Variants in KIAA0930 observed in about 807,000 individuals in gnomAD.
KIAA0930 encodes the protein KIAA0930.
KIAA0930 carries 24 observed loss-of-function variants against 43.9 expected under a neutral mutation model. That is an observed-to-expected ratio of 0.55 (90% confidence interval 0.40 to 0.77). The LOEUF is 0.77. Among genes scored for constraint, KIAA0930 ranks in the 30% least tolerant of loss-of-function variants. The probability of loss-of-function intolerance (pLI) is 0.00; values close to 1 mark genes in which losing one functional copy is unlikely to be tolerated. For missense variants in KIAA0930, 461 were observed against 574.2 expected, an observed-to-expected ratio of 0.80 and a Z score of 2.02; for synonymous variants, 259 against 216.4, an observed-to-expected ratio of 1.20 and a Z score of -1.73.
intron 1 of KIAA0930, chr22:45,236,405 A>ATCCACAC (rs2083889008): frequency 6.6e-6 from 1 of 152,294 alleles, no homozygotes; most frequent in Non-Finnish European, 1.5e-5. Context: ...TGCTTAGAGC[A>ATCCACAC]AAGTGAGCTT....
At chr22:45,229,410 T>C (rs967221539) in intron 1 of KIAA0930, among the ~76,000 whole-genome samples, 5 of 108,652 alleles carry the variant, frequency 4.6e-5, no homozygotes, top group African/African-American at 2.0e-4. Flanking sequence ...CCCAGGGGCC[T>C]GCGCCCAGGC....
intron 1 of KIAA0930, among the ~76,000 whole-genome samples, chr22:45,213,900 CTCGAG>C (rs2083715287): frequency 6.6e-6 from 1 of 152,092 alleles, no homozygotes; most frequent in East Asian, 1.9e-4. Flanking sequence ...ATCCCAGCTA[CTCGAG>C]AGGCTGAGGT....
chr22:45,234,441 C>T (rs2083873944), intron 1 of KIAA0930, among the ~76,000 whole-genome samples: 1 of 152,242 alleles, frequency 6.6e-6, no homozygotes, highest in African/African-American at 2.4e-5. Context: ...TTCTCAGCTC[C>T]CTGCATGCCC....
rs1569088533 is a variant in KIAA0930 at position 45,240,785 on chromosome 22, C to CCGA, written c.-83_-82insTCG. ...CGGCGGGGAGGGCGGGCGGCCCGGCCCGCAGCCCGCCGCGAGCACCAAGGA... is the reference window on the plus strand; with the variant it reads ...CGGCGGGGAGGGCGGGCGGCCCGGCCCGACGCAGCCCGCCGCGAGCACCAAGGA... On this transcript the variant is annotated 5_prime_UTR_variant, in exon 1 of 10. Coordinates refer to ENST00000336156, the MANE Select transcript of KIAA0930 (RefSeq NM_001009880.2). 8.0e-6 allele frequency: 1 copy of CCGA among 124,310 alleles called. No individual in the cohort carries two copies. Among genetic ancestry groups the CCGA allele is most frequent in the Admixed American group, 7.6e-5 (1 of 13,094 alleles). 7.7% of individuals were successfully genotyped at this position (124,310 alleles called of 1,614,324 possible). A position where few individuals can be genotyped will look rare whatever the true frequency, so the allele number is the denominator to read the frequency against.
At chr22:45,215,758 C>G (rs961954355) in intron 1 of KIAA0930, among the ~76,000 whole-genome samples, 4 of 152,290 alleles carry the variant, frequency 2.6e-5, no homozygotes, top group South Asian at 2.1e-4. Context: ...GGTAAACAGA[C>G]GAGAACGCTA....
chr22:45,208,232 C>G (rs2083656243), intron 2 of KIAA0930, among the ~76,000 whole-genome samples: 1 of 151,718 alleles, frequency 6.6e-6, no homozygotes, highest in African/African-American at 2.4e-5. Flanking sequence ...AGGCATGACT[C>G]ACAAACATGA....
At chr22:45,214,131 C>T (rs1424841366) in intron 1 of KIAA0930, among the ~76,000 whole-genome samples, 3 of 152,154 alleles carry the variant, frequency 2.0e-5, no homozygotes, top group Admixed American at 6.5e-5. Flanking sequence ...GAACCAAGAT[C>T]GTGCCACTGC....
At position 45,194,758 on chromosome 22, in the gene KIAA0930, G is replaced by A. The variant is rs965176001; in HGVS notation, c.*2418C>T. 1 of 152,246 alleles carries A rather than the reference G, an allele frequency of 6.6e-6. No homozygotes were observed. Among genetic ancestry groups the A allele is most frequent in the Non-Finnish European group, 1.5e-5 (1 of 68,040 alleles). 9.4% of individuals were successfully genotyped at this position (152,246 alleles called of 1,614,324 possible). A position where few individuals can be genotyped will look rare whatever the true frequency, so the allele number is the denominator to read the frequency against. On this transcript the variant is annotated 3_prime_UTR_variant, in exon 10 of 10. Transcript: ENST00000336156. Reference sequence around the variant, plus strand: ...CGGCATCGCAAGTACCCTTTGGAGAGGGATTTAGGGCCTGAGAAAGGCAGA... The same window carrying A: ...CGGCATCGCAAGTACCCTTTGGAGAAGGATTTAGGGCCTGAGAAAGGCAGA...
intron 1 of KIAA0930, chr22:45,236,030 ACTC>A (rs2083886418): frequency 6.6e-6 from 1 of 151,978 alleles, no homozygotes; most frequent in South Asian, 2.1e-4. Flanking sequence ...CGTCTCCCTC[ACTC>A]CTCTGGCCCA....
At chr22:45,233,094 T>G (rs570655735) in intron 1 of KIAA0930, among the ~76,000 whole-genome samples, 2 of 152,134 alleles carry the variant, frequency 1.3e-5, no homozygotes, top group South Asian at 4.2e-4. Flanking sequence ...CTTCTGAGCC[T>G]CAGTGGCCCC....
chr22:45,233,722 G>C (rs2083868889), intron 1 of KIAA0930, among the ~76,000 whole-genome samples: 2 of 152,172 alleles, frequency 1.3e-5, no homozygotes, highest in Non-Finnish European at 2.9e-5. Flanking sequence ...TTAGGAAGCT[G>C]AGTGCACCAG....
At chr22:45,208,174 G>A (rs1316439122) in intron 2 of KIAA0930, among the ~76,000 whole-genome samples, 1 of 152,204 alleles carries the variant, frequency 6.6e-6, no homozygotes, top group African/African-American at 2.4e-5. Context: ...GGTACACTCT[G>A]CAGGCATTAC....
At chr22:45,205,740 G>A (rs763592238) in intron 3 of KIAA0930, 33 bp from the exon 4 acceptor site, 39 of 1,613,588 alleles carry the variant, frequency 2.4e-5, no homozygotes, top group African/African-American at 6.7e-5. Context: ...GTGCAGGGAG[G>A]GGTCAGCCAT....
intron 9 of KIAA0930, 124 bp from the exon 10 acceptor site, chr22:45,197,340 C>T (rs1246715339): frequency 3.7e-6 from 3 of 804,400 alleles, no homozygotes; most frequent in East Asian, 5.5e-5. Flanking sequence ...CTCTCCAGGC[C>T]TCACAGACTG....
intron 2 of KIAA0930, among the ~76,000 whole-genome samples, chr22:45,208,301 G>A (rs979788879): frequency 1.1e-4 from 16 of 150,968 alleles, no homozygotes; most frequent in African/African-American, 3.9e-4. Flanking sequence ...TATGAGCTGT[G>A]AGAACAGGCA....
At chr22:45,207,312 CAA>C in intron 2 of KIAA0930, among the ~76,000 whole-genome samples, 1 of 140,326 alleles carries the variant, frequency 7.1e-6, no homozygotes, top group South Asian at 2.3e-4. Context: ...CACCCGGCCT[CAA>C]TTTATTTCTT....
chr22:45,218,762 C>A (rs1020149741), intron 1 of KIAA0930, among the ~76,000 whole-genome samples: 1 of 152,068 alleles, frequency 6.6e-6, no homozygotes, highest in Non-Finnish European at 1.5e-5. Flanking sequence ...AGAAACTAAG[C>A]GAACCCGGGG....
chr22:45,232,652 C>T (rs2083861146), intron 1 of KIAA0930, among the ~76,000 whole-genome samples: 2 of 152,188 alleles, frequency 1.3e-5, no homozygotes, highest in South Asian at 2.1e-4. Flanking sequence ...CTGCCTCAGC[C>T]GAAACTGGGA....
chr22:45,226,452 T>C (rs1240243997), intron 1 of KIAA0930: 3 of 403,564 alleles, frequency 7.4e-6, no homozygotes, highest in South Asian at 5.5e-5. Flanking sequence ...TCCTGCTGGA[T>C]TGGGGCTCCC....
Sources: gnomAD v4.1 joint callset for allele counts (sites outside exome capture counted in the v4.1 genomes callset) on GRCh38, gnomAD v4.1.1 for gene constraint, MANE v1.5 for transcripts, NCBI Gene and HGNC (gene_info 2026-07-23, HGNC 2026-07-21) for gene names.